The following GNB4 variants were observed in gnomAD, a reference collection of about 807,000 sequenced individuals.
GNB4 encodes the protein G protein subunit beta 4.
In GNB4, 28 loss-of-function variants were observed where a neutral mutation model predicts 45.2. The observed-to-expected ratio is 0.62, with a 90% CI of 0.46 to 0.85. The LOEUF (loss-of-function observed/expected upper bound fraction) is 0.85. Ranked by LOEUF, GNB4 falls within the 40% of genes least tolerant of loss-of-function variation. GNB4 has a pLI of 0.00. For synonymous variants in GNB4, 132 were observed against 143.7 expected (o/e 0.92, Z 0.58); for missense variants, 321 against 425.4 (o/e 0.75, Z 2.16).
At chr3:179,416,199 T>C (rs1274857161) in intron 5 of GNB4, among the ~76,000 whole-genome samples, 1 of 152,218 alleles carries the variant, frequency 6.6e-6, no homozygotes, top group African/African-American at 2.4e-5. Flanking sequence ...GTCTTTGTCA[T>C]ATTAGGAAAT....
chr3:179,401,216 A>T lies in GNB4; in HGVS notation c.1020T>A (p.Asn340Lys). ...AGAACAAATATGTATGACACTGTTA[A>T]TTCCAGATTCTAAGAAAACTGTCCC... Reference protein sequence around the residue: ...GSWDSFLRIWN With the variant: ...GSWDSFLRIWK Residue 340 changes from asparagine to lysine, a missense_variant, in exon 10 of 10, where the codon AAT becomes AAA. Transcript: ENST00000232564. The T allele has an allele frequency of 1.2e-6, 2 of 1,607,568 alleles. No homozygotes were observed. The highest frequency in any genetic ancestry group is 1.7e-6 in the Non-Finnish European group (2 of 1,174,470).
chr3:179,464,815 T>G, the GNB4 span: 1 of 1,347,514 alleles, frequency 7.4e-7, no homozygotes, highest in African/African-American at 1.4e-5. Context: ...CTGATGGCTT[T>G]CATGTAATTA....
chr3:179,434,025 T>C (rs1304107021), intron 1 of GNB4, among the ~76,000 whole-genome samples: 2 of 152,216 alleles, frequency 1.3e-5, no homozygotes, highest in African/African-American at 4.8e-5. Context: ...ATGGGACATA[T>C]TCAATGGGAC....
At chr3:179,415,094 C>T (rs1447596325) in intron 5 of GNB4, 47 bp from the exon 6 acceptor site, 37 of 1,428,368 alleles carry the variant, frequency 2.6e-5, no homozygotes, top group Non-Finnish European at 3.3e-5. Flanking sequence ...AAACAGTCAT[C>T]TATTGCATAA....
intron 1 of GNB4, among the ~76,000 whole-genome samples, chr3:179,442,643 A>G (rs1029668563): frequency 1.3e-5 from 2 of 150,150 alleles, no homozygotes; most frequent in Non-Finnish European, 3.0e-5. Flanking sequence ...TTTTTAAGAG[A>G]TGGGGTCTTG....
Position 179,407,153 on chromosome 3 carries a change from C to T in GNB4, c.700-1747G>A, listed in dbSNP as rs139263104. Among the ~76,000 whole-genome samples the T allele has an allele frequency of 6.3e-3, 955 of 152,196 alleles. 12 individuals are homozygous for T. Among genetic ancestry groups the T allele is most frequent in the African/African-American group, 0.022 (908 of 41,534 alleles). Reference sequence around the variant, plus strand: ...GGATATCAGTCAACGAAGGAGCGTGCCTCTGAGAAACAATAAATAAAACAG... The same window carrying T: ...GGATATCAGTCAACGAAGGAGCGTGTCTCTGAGAAACAATAAATAAAACAG... On this transcript the variant is annotated intron_variant, in intron 8 of 9. Transcript: ENST00000232564.
rs1229926761 is a variant in GNB4, at chr3:179,399,851, ATTAT to A, written c.*1358_*1361del. 1 of 152,240 alleles carries A rather than the reference ATTAT, an allele frequency of 6.6e-6. No homozygotes were observed. The allele number at this position is 152,240 out of a possible 1,614,324, so 9.4% of individuals were successfully genotyped here. The stretch of plus-strand genomic sequence containing the variant: ...CATCAAGCAAGACTAACAATCTTCT[ATTAT>A]CAGTCATTTAGACTTATTTGTAAAA... On this transcript the variant is annotated 3_prime_UTR_variant, in exon 10 of 10. Transcript: ENST00000232564.
chr3:179,446,907 C>T (rs1361442226), intron 1 of GNB4, among the ~76,000 whole-genome samples: 2 of 152,108 alleles, frequency 1.3e-5, no homozygotes, highest in African/African-American at 2.4e-5. Flanking sequence ...ATCTGAGTCC[C>T]GACCATGTGC....
At chr3:179,428,391 G>A (rs1715205823) in intron 1 of GNB4, among the ~76,000 whole-genome samples, 1 of 152,206 alleles carries the variant, frequency 6.6e-6, no homozygotes, top group South Asian at 2.1e-4. Context: ...AGACTGGACA[G>A]ATTACAGCCG....
the GNB4 span, among the ~76,000 whole-genome samples, chr3:179,514,022 G>T: frequency 1.1e-4 from 17 of 152,288 alleles, no homozygotes; most frequent in African/African-American, 4.1e-4. Flanking sequence ...GAGACACTGT[G>T]CTGCAGAAGG....
At chr3:179,464,492 C>T in the GNB4 span, 1 of 1,611,448 alleles carries the variant, frequency 6.2e-7, no homozygotes, top group Non-Finnish European at 8.5e-7. Flanking sequence ...CCCAGCAGAT[C>T]AAGCAGGAAG....
At chr3:179,464,576 G>A in the GNB4 span, 5 of 1,502,726 alleles carry the variant, frequency 3.3e-6, no homozygotes, top group South Asian at 5.6e-5. Flanking sequence ...TGGTTGGCGA[G>A]AGTTCTGCAA....
Position 179,413,574 on chromosome 3 carries a change from T to C in GNB4, c.537A>G (p.Thr179=). 1 of 1,614,148 alleles carries C rather than the reference T, an allele frequency of 6.2e-7. No individual in the cohort carries two copies. The part of the protein sequence containing the change: ...WDIETAQQTT[T]FTGHSGDVMS... ...TCACATCTCCAGAATGCCCAGTGAA[T>C]GTGGTGGTCTGCTGGGCAGTTTCGA... Residue 179 remains threonine, a synonymous_variant, in exon 8 of 10, where the codon ACA becomes ACG. Coordinates refer to ENST00000232564, the MANE Select transcript of GNB4 (RefSeq NM_021629.4).
chr3:179,431,886 GCAAA>G (rs1305464291), intron 1 of GNB4, among the ~76,000 whole-genome samples: 1 of 152,140 alleles, frequency 6.6e-6, no homozygotes, highest in African/African-American at 2.4e-5. Context: ...CTCTCATCCA[GCAAA>G]CAATCTGTGG....
intron 1 of GNB4, among the ~76,000 whole-genome samples, chr3:179,438,734 C>CA (rs1428850403): frequency 6.6e-6 from 1 of 152,158 alleles, no homozygotes; most frequent in Admixed American, 6.5e-5. Flanking sequence ...TAAAACAATC[C>CA]ATGAGCACTG....
At position 179,405,399 on chromosome 3, in the gene GNB4, G is replaced by T; in HGVS notation, c.707C>A (p.Pro236Gln). Residue 236 changes from proline to glutamine, a missense_variant, in exon 9 of 10, where the codon CCA becomes CAA. Transcript: ENST00000232564. ...GCCAGTGGCGAAGGCATATCCATTT[G>T]GGAAAAACTAGACAGGAAAGTAACA... The part of the protein sequence containing the change: ...VSDINAVSFF[P>Q]NGYAFATGSD... The T allele has an allele frequency of 6.2e-7, 1 of 1,607,146 alleles. No individual in the cohort carries two copies. The highest frequency in any genetic ancestry group is 8.5e-7 in the Non-Finnish European group (1 of 1,175,376).
At chr3:179,497,936 C>T in the GNB4 span, among the ~76,000 whole-genome samples, 1 of 152,000 alleles carries the variant, frequency 6.6e-6, no homozygotes, top group East Asian at 1.9e-4. Context: ...TCTTATGTGC[C>T]GTTGATAGGA....
chr3:179,469,746 CCA>C, the GNB4 span, among the ~76,000 whole-genome samples: 2 of 152,204 alleles, frequency 1.3e-5, no homozygotes, highest in African/African-American at 4.8e-5. Flanking sequence ...TCTCTTTCCA[CCA>C]CAGTGTTACT....
chr3:179,452,747 A>T (rs1715916921), upstream of GNB4, among the ~76,000 whole-genome samples: 1 of 152,092 alleles, frequency 6.6e-6, no homozygotes, highest in Admixed American at 6.5e-5. Context: ...CAAAATTTTC[A>T]TTTTTACTAA....
Sources: allele counts gnomAD v4.1 joint callset (sites outside exome capture counted in the v4.1 genomes callset), GRCh38; gene constraint gnomAD v4.1.1; transcripts MANE v1.5; gene names NCBI Gene and HGNC (gene_info 2026-07-23, HGNC 2026-07-21).